Variants in RFX4 observed in about 807,000 individuals in gnomAD.
RFX4 encodes regulatory factor X4.
A neutral mutation model predicts 95.0 loss-of-function variants in RFX4; 10 were observed. The ratio of observed to expected loss-of-function variants is 0.11; its 90% CI spans 0.06 to 0.18. The LOEUF (loss-of-function observed/expected upper bound fraction) is 0.18. RFX4 is among the 10% of genes least tolerant of loss of function. The probability of loss-of-function intolerance (pLI) is 1.00; values close to 1 mark genes in which losing one functional copy is unlikely to be tolerated. For synonymous variants in RFX4, 321 were observed against 340.7 expected, an observed-to-expected ratio of 0.94 and a Z score of 0.64; for missense variants, 640 against 922.0, an observed-to-expected ratio of 0.69 and a Z score of 3.96.
intron 17 of RFX4, among the ~76,000 whole-genome samples, chr12:106,755,850 T>C (rs573364979): frequency 1.7e-4 from 26 of 152,294 alleles, no homozygotes; most frequent in African/African-American, 4.1e-4. Flanking sequence ...AGAAATGCAA[T>C]TGGTCATCAG....
intron 3 of RFX4, among the ~76,000 whole-genome samples, chr12:106,643,173 T>C (rs1463371219): frequency 6.6e-6 from 1 of 152,160 alleles, no homozygotes; most frequent in Non-Finnish European, 1.5e-5. Flanking sequence ...GTTGCCTTCA[T>C]GTTTTGCTGA....
At chr12:106,726,261 G>A (rs1481830683) in intron 13 of RFX4, among the ~76,000 whole-genome samples, 5 of 144,664 alleles carry the variant, frequency 3.5e-5, no homozygotes, top group Non-Finnish European at 4.6e-5. Context: ...AAAAAAAAAA[G>A]AAAAAAAGGA....
chr12:106,750,818 G>C, intron 17 of RFX4, 25 bp downstream of exon 17: 1 of 1,517,998 alleles, frequency 6.6e-7, no homozygotes, highest in Non-Finnish European at 8.8e-7. Context: ...CTGGTTTCTT[G>C]GCCAGGCCTT....
chr12:106,654,958 A>C (rs1468181808), intron 4 of RFX4, among the ~76,000 whole-genome samples: 1 of 152,184 alleles, frequency 6.6e-6, no homozygotes, highest in African/African-American at 2.4e-5. Flanking sequence ...AAAAATACCC[A>C]ATTTGAGTCA....
intron 15 of RFX4, among the ~76,000 whole-genome samples, chr12:106,733,716 A>AC (rs2042656637): frequency 6.6e-6 from 1 of 152,212 alleles, no homozygotes; most frequent in Non-Finnish European, 1.5e-5. Flanking sequence ...GCTGCCGGGC[A>AC]CATAGCATGA....
chr12:106,614,702 G>T (rs936900982), intron 2 of RFX4, among the ~76,000 whole-genome samples: 5 of 151,614 alleles, frequency 3.3e-5, no homozygotes, highest in Non-Finnish European at 7.4e-5. Context: ...GTAGAGACGG[G>T]GTTTCACTGT....
In RFX4 at chr12:106,761,943, A is replaced by G. The variant is rs1455586016; in HGVS notation, c.*474A>G. 6.5e-6 allele frequency: 1 copy of G among 152,852 alleles called. No homozygotes were observed. The highest frequency in any genetic ancestry group is 1.5e-5 in the Non-Finnish European group (1 of 68,218). 9.5% of individuals were successfully genotyped at this position (152,852 alleles called of 1,614,324 possible). ...CATCTGTCTTGTCATTGTACTGTAC[A>G]AGGAACAGCCCTCAGACGTGTTCTG... On this transcript the variant is annotated 3_prime_UTR_variant, in exon 18 of 18. Transcript: ENST00000392842.
chr12:106,584,294 A>C (rs998866006), intron 1 of RFX4, among the ~76,000 whole-genome samples: 3 of 152,158 alleles, frequency 2.0e-5, no homozygotes, highest in African/African-American at 7.2e-5. Flanking sequence ...AGTCCCTTGC[A>C]GGTGGAAGTT....
At position 106,696,444 on chromosome 12, in the gene RFX4, C is replaced by G. The variant is rs1409598212; in HGVS notation, c.831C>G (p.Asp277Glu). ...CCACTGTGCTGCAGGCATTACCTGA[C>G]AGGTGGGCATGCTTATTCTTGTCTT... ...LMPTVLQALP[D>E]SLTQVIRKFA... Residue 277 changes from aspartate to glutamate, a missense_variant and splice_region_variant, in exon 8 of 18, where the codon GAC becomes GAG. By Grantham distance (45) the Asp-to-Glu change is conservative. Coordinates refer to ENST00000392842, the MANE Select transcript of RFX4 (RefSeq NM_213594.3). The G allele has an allele frequency of 6.2e-7, 1 of 1,614,124 alleles. No individual in the cohort carries two copies. The highest frequency in any genetic ancestry group is 8.5e-7 in the Non-Finnish European group (1 of 1,179,998).
At chr12:106,585,701 G>A (rs2039444878) in intron 1 of RFX4, 1 of 152,226 alleles carries the variant, frequency 6.6e-6, no homozygotes, top group Non-Finnish European at 1.5e-5. Context: ...ATAAGATCGC[G>A]CGCGATCAGA....
At chr12:106,686,077 A>T (rs1158490483) in intron 5 of RFX4, among the ~76,000 whole-genome samples, 1 of 152,234 alleles carries the variant, frequency 6.6e-6, no homozygotes, top group African/African-American at 2.4e-5. Flanking sequence ...TTACCTTTTT[A>T]AAAATACAGT....
chr12:106,656,096 C>G (rs926276288), intron 4 of RFX4, among the ~76,000 whole-genome samples: 1 of 152,128 alleles, frequency 6.6e-6, no homozygotes, highest in Non-Finnish European at 1.5e-5. Flanking sequence ...TTTAAGCGCA[C>G]GCCTTCACCT....
In RFX4 at chr12:106,654,081, C is replaced by T. The variant is rs559013252; in HGVS notation, c.192-147C>T. The T allele has an allele frequency of 3.7e-6, 4 of 1,086,646 alleles. No homozygotes were observed. In the East Asian group the frequency reaches 7.2e-5, roughly 20 times the overall value. 67.3% of individuals were successfully genotyped at this position (1,086,646 alleles called of 1,614,324 possible). ...GCCAGGCATGACCTTGGGCAGCTTG[C>T]TTTGTCTTCCTGGGCCCCAGCTTCT... is the stretch of plus-strand genomic sequence containing the variant. On this transcript the variant is annotated intron_variant, in intron 3 of 17. Coordinates refer to ENST00000392842, the MANE Select transcript of RFX4 (RefSeq NM_213594.3).
At chr12:106,697,115 C>A (rs2041895568) in intron 8 of RFX4, among the ~76,000 whole-genome samples, 1 of 152,168 alleles carries the variant, frequency 6.6e-6, no homozygotes, top group Non-Finnish European at 1.5e-5. Context: ...GTGTTCCCTT[C>A]CAAGCAACTT....
At chr12:106,622,216 G>A (rs2137238606) in intron 2 of RFX4, among the ~76,000 whole-genome samples, 1 of 151,984 alleles carries the variant, frequency 6.6e-6, no homozygotes, top group Non-Finnish European at 1.5e-5. Context: ...AAAACACAAA[G>A]ATTATATTTT....
At chr12:106,623,037 CTT>C (rs143790292) in intron 2 of RFX4, among the ~76,000 whole-genome samples, 17,518 of 119,852 alleles carry the variant, frequency 0.15, 910 homozygotes, top group African/African-American at 0.17. Context: ...CAGCATTAGT[CTT>C]TTTTTTTTTT....
At chr12:106,654,472 C>G in intron 4 of RFX4, 121 bp downstream of exon 4, 1 of 1,126,234 alleles carries the variant, frequency 8.9e-7, no homozygotes, top group Middle Eastern at 2.1e-4. Flanking sequence ...TACTTTGGTA[C>G]TTTGACAACT....
intron 3 of RFX4, among the ~76,000 whole-genome samples, chr12:106,641,708 G>A (rs770492185): frequency 1.2e-4 from 18 of 151,880 alleles, no homozygotes; most frequent in Admixed American, 3.3e-4. Context: ...GTACATATTC[G>A]CCTATTCTTA....
chr12:106,719,106 G>A (rs534038079), intron 11 of RFX4, among the ~76,000 whole-genome samples: 4 of 152,086 alleles, frequency 2.6e-5, no homozygotes, highest in Non-Finnish European at 4.4e-5. Context: ...TGGGCAACAA[G>A]GCGAGACTCC....
Sources: allele counts gnomAD v4.1 joint callset (sites outside exome capture counted in the v4.1 genomes callset), GRCh38; gene constraint gnomAD v4.1.1; transcripts MANE v1.5; gene names NCBI Gene and HGNC (gene_info 2026-07-23, HGNC 2026-07-21).